Variants in OR51V1 observed in about 807,000 individuals in gnomAD.
The protein encoded by OR51V1 is olfactory receptor 51V1.
Under a neutral mutation model 16.3 loss-of-function variants are expected in OR51V1, and 16 were observed. The ratio of observed to expected loss-of-function variants is 0.98; its 90% CI spans 0.67 to 1.49. The LOEUF (loss-of-function observed/expected upper bound fraction) is 1.49, where lower values mean the gene tolerates loss of function less well. OR51V1 is among the 40% of genes most tolerant of loss of function. The probability of loss-of-function intolerance (pLI) is 0.00; values close to 1 mark genes in which losing one functional copy is unlikely to be tolerated. For missense variants in OR51V1, 469 were observed against 380.4 expected (o/e 1.23, Z -1.94); for synonymous variants, 189 against 142.2 (o/e 1.33, Z -2.34).
chr11:5,199,796 C>G lies in OR51V1; in HGVS notation c.887G>C (p.Ser296Thr), dbSNP rs758066184. ...FPPLMNPIIY[S>T]VKTQQIHTRM... ...GGTATGAATCTGTTGGGTCTTGACA[C>G]TGTAGATGATGGGATTCATTAAAGG... Residue 296 changes from serine (S) to threonine (T), a missense_variant, in exon 1 of 1, where the codon AGT (serine) becomes ACT (threonine). By Grantham distance (58) the Ser-to-Thr change is moderately conservative. Coordinates refer to ENST00000641270, the MANE Select transcript of OR51V1 (RefSeq NM_001004760.3). 1.6e-5 allele frequency: 26 copies of G among 1,613,472 alleles called. No individual in the cohort carries two copies. In the East Asian group the frequency reaches 5.3e-4, roughly 33 times the overall value.
chr11:5,200,384 C>A lies in OR51V1; in HGVS notation c.299G>T (p.Cys100Phe). Residue 100 changes from cysteine to phenylalanine, a missense_variant, in exon 1 of 1, where the codon TGC (cysteine) becomes TTC (phenylalanine). Physicochemically the swap from Cys to Phe is radical, Grantham distance 205. Coordinates refer to ENST00000641270, the MANE Select transcript of OR51V1 (RefSeq NM_001004760.3). ...GIIREISLDSCIAQSYFIHGL... is the reference protein window; with the variant it reads ...GIIREISLDSFIAQSYFIHGL... ...ATGGATGAAATAGGACTGGGCAATG[C>A]AGGAATCCAAGCTGATCTCTCGAAT... 2 of 1,613,944 alleles carry A rather than the reference C, an allele frequency of 1.2e-6. No homozygotes were observed. Among genetic ancestry groups the A allele is most frequent in the Non-Finnish European group, 1.7e-6 (2 of 1,179,908 alleles).
In OR51V1 at chr11:5,199,942, G is replaced by A; in HGVS notation, c.741C>T (p.His247=). 1.2e-6 allele frequency: 2 copies of A among 1,613,982 alleles called. No individual in the cohort carries two copies. Among genetic ancestry groups the A allele is most frequent in the Non-Finnish European group, 1.7e-6 (2 of 1,179,828 alleles). Residue 247 remains histidine (H), a synonymous_variant, in exon 1 of 1, where the codon CAC becomes CAT. Coordinates refer to ENST00000641270, the MANE Select transcript of OR51V1 (RefSeq NM_001004760.3). The part of the protein sequence containing the change: ...RHKLFQTCIS[H]ICAVLVFYIP... ...TGTAGAACACAAGGACAGCACAGAT[G>A]TGGGAGATGCAGGTCTGAAATAATT...
rs1205501143 is a variant in OR51V1, at chr11:5,200,420, A to C, written c.263T>G (p.Leu88Arg). The part of the protein sequence containing the change: ...LSTVYTVLGI[L>R]WGIIREISLD... Reference sequence around the variant, plus strand: ...GCTGATCTCTCGAATGATCCCCCACAGGATCCCCAGCACTGTGTACACAGT... The same window carrying C: ...GCTGATCTCTCGAATGATCCCCCACCGGATCCCCAGCACTGTGTACACAGT... The change falls in exon 1 of 1, where the codon CTG (leucine) becomes CGG (arginine). Residue 88 changes from leucine to arginine, a missense_variant. Physicochemically the swap from Leu to Arg is moderately radical, Grantham distance 102. Coordinates refer to ENST00000641270, the MANE Select transcript of OR51V1 (RefSeq NM_001004760.3). 1.2e-6 allele frequency: 2 copies of C among 1,613,798 alleles called. No individual in the cohort carries two copies. Among genetic ancestry groups the C allele is most frequent in the Non-Finnish European group, 1.7e-6 (2 of 1,179,826 alleles).
chr11:5,200,120 A>T lies in OR51V1; in HGVS notation c.563T>A (p.Leu188His). The T allele has an allele frequency of 6.2e-7, 1 of 1,613,914 alleles. No individual in the cohort carries two copies. Among genetic ancestry groups the T allele is most frequent in the Non-Finnish European group, 8.5e-7 (1 of 1,179,806 alleles). Residue 188 changes from leucine to histidine, a missense_variant, in exon 1 of 1, where the codon CTC becomes CAC. Physicochemically the swap from Leu to His is moderately conservative, Grantham distance 99. Transcript: ENST00000641270. ...TCGGATGTCTGAACAGGCTAAGCGG[A>T]GAAGATCCTGGTGCAGGCAGAAAGA... is the stretch of plus-strand genomic sequence containing the variant. ...SHSFCLHQDL[L>H]RLACSDIRFN... is the part of the protein sequence containing the mutation.
Position 5,199,918 on chromosome 11 carries a change from G to A in OR51V1, c.765C>T (p.Tyr255=), listed in dbSNP as rs767343813. 2 of 1,613,812 alleles carry A rather than the reference G, an allele frequency of 1.2e-6. No individual in the cohort carries two copies. The highest frequency in any genetic ancestry group is 2.2e-5 in the East Asian group (1 of 44,896). Residue 255 remains tyrosine (Y), a synonymous_variant, in exon 1 of 1, where the codon TAC becomes TAT. Coordinates refer to ENST00000641270, the MANE Select transcript of OR51V1 (RefSeq NM_001004760.3). ...ISHICAVLVF[Y]IPIISLTMVH... ...CCATTGTGAGGCTAATGATAGGGATGTAGAACACAAGGACAGCACAGATGT... is the reference window on the plus strand; with the variant it reads ...CCATTGTGAGGCTAATGATAGGGATATAGAACACAAGGACAGCACAGATGT...
chr11:5,199,941 T>C lies in OR51V1; in HGVS notation c.742A>G (p.Ile248Val). ...HKLFQTCISHICAVLVFYIPI... is the reference protein window; with the variant it reads ...HKLFQTCISHVCAVLVFYIPI... ...ATGTAGAACACAAGGACAGCACAGA[T>C]GTGGGAGATGCAGGTCTGAAATAAT... Residue 248 changes from isoleucine (I) to valine (V), a missense_variant, in exon 1 of 1, where the codon ATC becomes GTC. Physicochemically the swap from Ile to Val is conservative, Grantham distance 29. Coordinates refer to ENST00000641270, the MANE Select transcript of OR51V1 (RefSeq NM_001004760.3). The C allele has an allele frequency of 6.2e-7, 1 of 1,613,860 alleles. No homozygotes were observed. The highest frequency in any genetic ancestry group is 1.1e-5 in the South Asian group (1 of 91,078).
rs748279979 is a variant in OR51V1, at chr11:5,200,536, G to C, written c.147C>G (p.Leu49=). The C allele has an allele frequency of 2.4e-5, 39 of 1,613,888 alleles. No individual in the cohort carries two copies. The highest frequency in any genetic ancestry group is 3.1e-5 in the Non-Finnish European group (37 of 1,179,798). ...AMVLLGNCMV[L]HVIWTEPSLH... ...GGCTTGGCTCAGTCCATATCACATG[G>C]AGAACCATGCAATTGCCCAAAAGCA... Residue 49 remains leucine (L), a synonymous_variant, in exon 1 of 1, where the codon CTC becomes CTG. Coordinates refer to ENST00000641270, the MANE Select transcript of OR51V1 (RefSeq NM_001004760.3).
In OR51V1 at chr11:5,199,949, A is replaced by G. The variant is rs540195485; in HGVS notation, c.734T>C (p.Ile245Thr). The G allele has an allele frequency of 6.2e-7, 1 of 1,614,062 alleles. No homozygotes were observed. The highest frequency in any genetic ancestry group is 1.1e-5 in the South Asian group (1 of 91,088). The change falls in exon 1 of 1, where the codon ATC becomes ACC. Residue 245 changes from isoleucine (I) to threonine (T), a missense_variant. Coordinates refer to ENST00000641270, the MANE Select transcript of OR51V1 (RefSeq NM_001004760.3). ...CACAAGGACAGCACAGATGTGGGAG[A>G]TGCAGGTCTGAAATAATTTATGCCT... ...EERHKLFQTC[I>T]SHICAVLVFY...
rs778953982 is a variant in OR51V1 at position 5,200,039 on chromosome 11, A to G, written c.644T>C (p.Ile215Thr). The change falls in exon 1 of 1, where the codon ATA (isoleucine) becomes ACA (threonine). Residue 215 changes from isoleucine to threonine, a missense_variant. By Grantham distance (89) the Ile-to-Thr change is moderately conservative. Transcript: ENST00000641270. Reference sequence around the variant, plus strand: ...CAGGATGTAGGAGAAAAGGATGAGTATAGCATCCAACAACAGTATGCAAAT... The same window carrying G: ...CAGGATGTAGGAGAAAAGGATGAGTGTAGCATCCAACAACAGTATGCAAAT... ...LVICILLLDAILILFSYILIL... is the reference protein window; with the variant it reads ...LVICILLLDATLILFSYILIL... 6.2e-7 allele frequency: 1 copy of G among 1,610,082 alleles called. No individual in the cohort carries two copies. The highest frequency in any genetic ancestry group is 1.1e-5 in the South Asian group (1 of 91,000).
rs769794932 is a variant in OR51V1 at position 5,200,629 on chromosome 11, A to G, written c.54T>C (p.Thr18=). 65 of 1,612,274 alleles carry G rather than the reference A, an allele frequency of 4.0e-5. No homozygotes were observed. The highest frequency in any genetic ancestry group is 5.5e-5 in the Non-Finnish European group (65 of 1,178,470). ...STSTNSSFLL[T]GFSGMEQQYP... The stretch of plus-strand genomic sequence containing the variant: ...ATTGCTGCTCCATGCCAGAAAATCC[A>G]GTGAGAAGAAAGGAAGAATTCGTGC... Residue 18 remains threonine (T), a synonymous_variant, in exon 1 of 1, where the codon ACT becomes ACC. Coordinates refer to ENST00000641270, the MANE Select transcript of OR51V1 (RefSeq NM_001004760.3).
In OR51V1 at chr11:5,200,143, A is replaced by T; in HGVS notation, c.540T>A (p.Ser180=). The change falls in exon 1 of 1, where the codon TCT becomes TCA. Residue 180 remains serine (S), a synonymous_variant. Coordinates refer to ENST00000641270, the MANE Select transcript of OR51V1 (RefSeq NM_001004760.3). Reference sequence around the variant, plus strand: ...GGAGAAGATCCTGGTGCAGGCAGAAAGAGTGAGAAAGGATGTGGAAATGAC... The same window carrying T: ...GGAGAAGATCCTGGTGCAGGCAGAATGAGTGAGAAAGGATGTGGAAATGAC... ...NYCHFHILSH[S]FCLHQDLLRL... The T allele has an allele frequency of 1.9e-6, 3 of 1,612,904 alleles. No individual in the cohort carries two copies. The highest frequency in any genetic ancestry group is 2.5e-6 in the Non-Finnish European group (3 of 1,179,082).
chr11:5,200,036 A>T lies in OR51V1; in HGVS notation c.647T>A (p.Leu216His). The change falls in exon 1 of 1, where the codon CTC becomes CAC. Residue 216 changes from leucine to histidine, a missense_variant. Physicochemically the swap from Leu to His is moderately conservative, Grantham distance 99. Coordinates refer to ENST00000641270, the MANE Select transcript of OR51V1 (RefSeq NM_001004760.3). ...AATCAGGATGTAGGAGAAAAGGATG[A>T]GTATAGCATCCAACAACAGTATGCA... ...VICILLLDAI[L>H]ILFSYILILK... The T allele has an allele frequency of 6.2e-7, 1 of 1,610,570 alleles. No homozygotes were observed. Among genetic ancestry groups the T allele is most frequent in the Non-Finnish European group, 8.5e-7 (1 of 1,176,806 alleles).
chr11:5,200,558 A>G lies in OR51V1; in HGVS notation c.125T>C (p.Leu42Pro). 6.2e-7 allele frequency: 1 copy of G among 1,613,962 alleles called. No homozygotes were observed. Among genetic ancestry groups the G allele is most frequent in the Non-Finnish European group, 8.5e-7 (1 of 1,179,854 alleles). ...IPFSSIYAMVLLGNCMVLHVI... is the reference protein window; with the variant it reads ...IPFSSIYAMVPLGNCMVLHVI... ...ATGGAGAACCATGCAATTGCCCAAA[A>G]GCACCATGGCATAGATTGAGGAGAA... The change falls in exon 1 of 1, where the codon CTT becomes CCT. Residue 42 changes from leucine (L) to proline (P), a missense_variant. Physicochemically the swap from Leu to Pro is moderately conservative, Grantham distance 98. Transcript: ENST00000641270.
In OR51V1 at chr11:5,200,199, G is replaced by A. The variant is rs775139329; in HGVS notation, c.484C>T (p.Pro162Ser). 28 of 1,612,714 alleles carry A rather than the reference G, an allele frequency of 1.7e-5. No homozygotes were observed. The African/African-American group carries it at 3.1e-4, about 18-fold the overall frequency. The change falls in exon 1 of 1, where the codon CCC (proline) becomes TCC (serine). Residue 162 changes from proline to serine, a missense_variant. Coordinates refer to ENST00000641270, the MANE Select transcript of OR51V1 (RefSeq NM_001004760.3). ...TTAAAAAATTTCAGACAGATGATGG[G>A]GGGTGTAATAAAGAAAAAACTCCTA... ...IGRSFFFITP[P>S]IICLKFFNYC... is the part of the protein sequence containing the mutation.
Position 5,200,612 on chromosome 11 carries a change from T to A in OR51V1, c.71A>T (p.Glu24Val), listed in dbSNP as rs1847201511. 2 of 1,613,190 alleles carry A rather than the reference T, an allele frequency of 1.2e-6. No individual in the cohort carries two copies. The highest frequency in any genetic ancestry group is 2.2e-5 in the South Asian group (2 of 91,058). The part of the protein sequence containing the change: ...SFLLTGFSGM[E>V]QQYPWLSIPF... ...GATGGAAAGCCAGGGGTATTGCTGC[T>A]CCATGCCAGAAAATCCAGTGAGAAG... is the stretch of plus-strand genomic sequence containing the variant. The change falls in exon 1 of 1, where the codon GAG (glutamate) becomes GTG (valine). Residue 24 changes from glutamate to valine, a missense_variant. Coordinates refer to ENST00000641270, the MANE Select transcript of OR51V1 (RefSeq NM_001004760.3).
chr11:5,199,916 ATGTAG>A lies in OR51V1; in HGVS notation c.762_766del (p.Tyr255ProfsTer4), dbSNP rs1324801791. 1.2e-6 allele frequency: 2 copies of A among 1,614,070 alleles called. No individual in the cohort carries two copies. On this transcript the variant is annotated frameshift_variant, in exon 1 of 1. Transcript: ENST00000641270. LOFTEE classifies it high-confidence loss of function. ...CACCATTGTGAGGCTAATGATAGGG[ATGTAG>A]AACACAAGGACAGCACAGATGTGGG...
Position 5,200,008 on chromosome 11 carries a change from A to T in OR51V1, c.675T>A (p.Leu225=). 6.2e-7 allele frequency: 1 copy of T among 1,614,008 alleles called. No individual in the cohort carries two copies. The part of the protein sequence containing the change: ...ILILFSYILI[L]KSVLAVASQE... ...GAGAGGCAACTGCCAGGACTGACTT[A>T]AGAATCAGGATGTAGGAGAAAAGGA... Residue 225 remains leucine (L), a synonymous_variant, in exon 1 of 1, where the codon CTT becomes CTA. Transcript: ENST00000641270.
rs1238270517 is a variant in OR51V1 at position 5,199,788 on chromosome 11, T to C, written c.895A>G (p.Thr299Ala). ...LMNPIIYSVK[T>A]QQIHTRMLRL... ...AGCATTCTGGTATGAATCTGTTGGG[T>C]CTTGACACTGTAGATGATGGGATTC... The change falls in exon 1 of 1, where the codon ACC becomes GCC. Residue 299 changes from threonine to alanine, a missense_variant. Transcript: ENST00000641270. 6.2e-7 allele frequency: 1 copy of C among 1,613,582 alleles called. No individual in the cohort carries two copies.
rs1453650754 is a variant in OR51V1, at chr11:5,200,675, G to A, written c.8C>T (p.Thr3Ile). 1 of 1,598,402 alleles carries A rather than the reference G, an allele frequency of 6.3e-7. No individual in the cohort carries two copies. The highest frequency in any genetic ancestry group is 2.2e-5 in the East Asian group (1 of 44,770). ...CGTGCTGGTGCTAGGGCTTACTGAA[G>A]TAATCATTCTGGAACTGAGAAACAT... MI[T>I]SVSPSTSTNS... The change falls in exon 1 of 1, where the codon ACT becomes ATT. Residue 3 changes from threonine (T) to isoleucine (I), a missense_variant. Physicochemically the swap from Thr to Ile is moderately conservative, Grantham distance 89. Coordinates refer to ENST00000641270, the MANE Select transcript of OR51V1 (RefSeq NM_001004760.3).
Sources: allele counts gnomAD v4.1 joint callset, GRCh38; gene constraint gnomAD v4.1.1; transcripts MANE v1.5; gene names NCBI Gene and HGNC (gene_info 2026-07-23, HGNC 2026-07-21).